The following CRISP3 variants were observed in gnomAD, a reference collection of about 807,000 sequenced individuals.
CRISP3 encodes cysteine-rich secretory protein 3.
A neutral mutation model predicts 36.1 loss-of-function variants in CRISP3; 33 were observed. The ratio of observed to expected loss-of-function variants is 0.91; its 90% confidence interval spans 0.69 to 1.22. CRISP3 has a LOEUF of 1.22. CRISP3 is among the 50% of genes most tolerant of loss of function. CRISP3 has a pLI of 0.00. For synonymous variants in CRISP3, 117 were observed against 104.6 expected, an observed-to-expected ratio of 1.12 and a Z score of -0.72; for missense variants, 330 against 301.2, an observed-to-expected ratio of 1.10 and a Z score of -0.71.
intron 6 of CRISP3, 38 bp downstream of exon 6, chr6:49,733,157 T>C (rs769450025): frequency 8.7e-7 from 1 of 1,147,518 alleles, no homozygotes; most frequent in Non-Finnish European, 1.3e-6. Context: ...AAATTGTATT[T>C]AGCATTATTG....
rs150388488 is a variant in CRISP3 at position 49,729,608 on chromosome 6, A to C, written c.650-751T>G. Among the ~76,000 whole-genome samples the C allele has an allele frequency of 7.1e-4, 108 of 152,276 alleles. 2 individuals are homozygous for C. Among genetic ancestry groups the C allele is most frequent in the Admixed American group, 7.0e-3 (107 of 15,284 alleles). On this transcript the variant is annotated intron_variant, in intron 7 of 7. Coordinates refer to ENST00000263045, the MANE Select transcript of CRISP3 (RefSeq NM_006061.4). ...TCGTTCACCCAGTTTCAGAGAAATG[A>C]CACTCCCAACTATTAAACAATTCAA...
intron 7 of CRISP3, 79 bp from the exon 8 acceptor site, chr6:49,728,936 G>A: frequency 7.2e-7 from 1 of 1,382,516 alleles, no homozygotes; most frequent in South Asian, 1.4e-5. Context: ...CATTCTATAT[G>A]AACGGAGAGT....
rs187716422 is a variant in CRISP3, at chr6:49,727,513, A to G, written c.*1217T>C. On this transcript the variant is annotated 3_prime_UTR_variant, in exon 8 of 8. Transcript: ENST00000263045. ...CGTTATCATCTTACATTACCCTGCT[A>G]TATTTATCAAGATTAAGAAATCAAC... 17 of 152,258 alleles carry G rather than the reference A, an allele frequency of 1.1e-4. No homozygotes were observed. The highest frequency in any genetic ancestry group is 2.9e-4 in the African/African-American group (12 of 41,576). The allele number at this position is 152,258 out of a possible 1,614,324, so 9.4% of individuals were successfully genotyped here. A position where few individuals can be genotyped will look rare whatever the true frequency, so the allele number is the denominator to read the frequency against.
At chr6:49,737,524 G>A in intron 1 of CRISP3, 126 bp from the exon 2 acceptor site, 1 of 948,386 alleles carries the variant, frequency 1.1e-6, no homozygotes. Flanking sequence ...AATGTAACAG[G>A]AGAAGACTTG....
intron 1 of CRISP3, among the ~76,000 whole-genome samples, chr6:49,741,151 C>CAAAAA (rs10616289): frequency 3.0e-5 from 4 of 135,412 alleles, no homozygotes; most frequent in South Asian, 2.3e-4. Flanking sequence ...AAAAAACCAC[C>CAAAAA]AAAAAAAAAA....
intron 1 of CRISP3, 28 bp from the exon 2 acceptor site, chr6:49,737,426 G>A (rs749244505): frequency 3.1e-6 from 5 of 1,613,330 alleles, no homozygotes; most frequent in African/African-American, 1.3e-5. Context: ...GTGGAACAGG[G>A]ATCTGCATTA....
intron 7 of CRISP3, among the ~76,000 whole-genome samples, chr6:49,729,153 C>A (rs1034788703): frequency 6.6e-6 from 1 of 152,026 alleles, no homozygotes; most frequent in East Asian, 1.9e-4. Flanking sequence ...AGAACTGCAA[C>A]ATCCAAAATG....
At chr6:49,737,182 A>C in intron 2 of CRISP3, 143 bp downstream of exon 2, 1 of 613,716 alleles carries the variant, frequency 1.6e-6, no homozygotes, top group Non-Finnish European at 2.9e-6. Flanking sequence ...AAACATAATT[A>C]TGTTAACTAC....
At chr6:49,732,994 G>T (rs1325686016) in intron 6 of CRISP3, among the ~76,000 whole-genome samples, 1 of 152,158 alleles carries the variant, frequency 6.6e-6, no homozygotes. Flanking sequence ...AGGAAAGACA[G>T]CTCCCTGTTC....
intron 6 of CRISP3, among the ~76,000 whole-genome samples, chr6:49,732,123 G>A (rs1247180788): frequency 6.6e-6 from 1 of 152,180 alleles, no homozygotes; most frequent in Admixed American, 6.5e-5. Flanking sequence ...TTAAGAAAAT[G>A]TGAAATAGAT....
chr6:49,727,593 C>G lies in CRISP3; in HGVS notation c.*1137G>C, dbSNP rs765353360. The G allele has an allele frequency of 6.6e-6, 1 of 152,096 alleles. No individual in the cohort carries two copies. Among genetic ancestry groups the G allele is most frequent in the East Asian group, 1.9e-4 (1 of 5,188 alleles). The allele number at this position is 152,096 out of a possible 1,614,324, so 9.4% of individuals were successfully genotyped here. A position where few individuals can be genotyped will look rare whatever the true frequency, so the allele number is the denominator to read the frequency against. ...TCAGACTTCATCAGTTTTTTCATTA[C>G]TGATCTTTTTCTGTTCCAGGATCTG... On this transcript the variant is annotated 3_prime_UTR_variant, in exon 8 of 8. Transcript: ENST00000263045.
chr6:49,738,487 T>C (rs1224230840), intron 1 of CRISP3, among the ~76,000 whole-genome samples: 5 of 152,152 alleles, frequency 3.3e-5, no homozygotes, highest in Admixed American at 3.3e-4. Context: ...GCCTTCTGAT[T>C]TGGACTGAAC....
chr6:49,736,269 G>T, intron 3 of CRISP3, 122 bp downstream of exon 3: 1 of 701,374 alleles, frequency 1.4e-6, no homozygotes, highest in Non-Finnish European at 2.5e-6. Context: ...CAGCTCAAAT[G>T]AAACAAAAAA....
At chr6:49,728,884 A>G in intron 7 of CRISP3, 27 bp from the exon 8 acceptor site, 2 of 1,595,372 alleles carry the variant, frequency 1.3e-6, no homozygotes, top group East Asian at 4.5e-5. Flanking sequence ...GAAATTAGTC[A>G]CTTCATTATC....
intron 2 of CRISP3, 63 bp from the exon 3 acceptor site, chr6:49,736,570 T>A (rs188573183): frequency 8.5e-7 from 1 of 1,174,432 alleles, no homozygotes; most frequent in African/African-American, 1.5e-5. Context: ...TAATAGTAAC[T>A]ATGTTAGTTC....
intron 4 of CRISP3, 119 bp downstream of exon 4, chr6:49,735,385 T>A: frequency 1.4e-6 from 1 of 699,690 alleles, no homozygotes; most frequent in Admixed American, 2.4e-5. Flanking sequence ...ATAGTCCATA[T>A]TGAAAAAGGT....
At chr6:49,742,821 C>T (rs1582201176) in intron 1 of CRISP3, among the ~76,000 whole-genome samples, 2 of 151,942 alleles carry the variant, frequency 1.3e-5, no homozygotes, top group South Asian at 2.1e-4. Flanking sequence ...GACCAAACAT[C>T]GTAACATTAA....
Position 49,736,697 on chromosome 6 carries a change from G to T in CRISP3, c.112-190C>A, listed in dbSNP as rs546580937. 1.3e-3 allele frequency among the ~76,000 whole-genome samples: 199 copies of T among 152,232 alleles called. 1 individual carries two copies. Among genetic ancestry groups the T allele is most frequent in the South Asian group, 5.2e-3 (25 of 4,820 alleles). Reference sequence around the variant, plus strand: ...ATTAGATGAAAGTTTTCAGAATGGGGATATAATTCATGGCATGACAAACTA... The same window carrying T: ...ATTAGATGAAAGTTTTCAGAATGGGTATATAATTCATGGCATGACAAACTA... On this transcript the variant is annotated intron_variant, in intron 2 of 7. Transcript: ENST00000263045.
At chr6:49,740,807 C>T (rs1769180175) in intron 1 of CRISP3, among the ~76,000 whole-genome samples, 1 of 151,948 alleles carries the variant, frequency 6.6e-6, no homozygotes, top group African/African-American at 2.4e-5. Context: ...ACTGTAAGAC[C>T]CATCCTGTGT....
Sources: allele counts gnomAD v4.1 joint callset (sites outside exome capture counted in the v4.1 genomes callset), GRCh38; gene constraint gnomAD v4.1.1; transcripts MANE v1.5; gene names NCBI Gene and HGNC (gene_info 2026-07-23, HGNC 2026-07-21).